AGPAT3: variants seen among roughly 807,000 people sequenced by gnomAD.
The protein encoded by AGPAT3 is 1-acylglycerol-3-phosphate O-acyltransferase 3, also known as 1-acyl-sn-glycerol-3-phosphate acyltransferase gamma.
Under a neutral mutation model 47.3 loss-of-function variants are expected in AGPAT3, and 5 were observed. That is an observed-to-expected ratio of 0.11 (90% CI 0.06 to 0.22). The LOEUF (loss-of-function observed/expected upper bound fraction) is 0.22. Among genes scored for constraint, AGPAT3 ranks in the 10% least tolerant of loss-of-function variants. The pLI is 1.00. For missense variants in AGPAT3, 315 were observed against 493.0 expected, an observed-to-expected ratio of 0.64 and a Z score of 3.42; for synonymous variants, 212 against 208.3, an observed-to-expected ratio of 1.02 and a Z score of -0.15.
chr21:43,979,906 C>G (rs2146927888), intron 8 of AGPAT3, among the ~76,000 whole-genome samples: 1 of 152,270 alleles, frequency 6.6e-6, no homozygotes, highest in East Asian at 1.9e-4. Flanking sequence ...AGCTGAGAAC[C>G]ATGAAGAGAT....
At chr21:43,958,170 C>G (rs1469623263) in intron 2 of AGPAT3, among the ~76,000 whole-genome samples, 4 of 152,184 alleles carry the variant, frequency 2.6e-5, no homozygotes, top group Non-Finnish European at 1.5e-5. Flanking sequence ...AAGTTAATCA[C>G]TATCAATATT....
At chr21:43,959,257 GGT>G (rs1223317253) in intron 2 of AGPAT3, among the ~76,000 whole-genome samples, 8 of 139,092 alleles carry the variant, frequency 5.8e-5, no homozygotes, top group Admixed American at 2.9e-4. Flanking sequence ...TGTGGTTTGC[GGT>G]GTGTGTGGCA....
At chr21:43,953,151 T>G (rs1450244968) in intron 2 of AGPAT3, among the ~76,000 whole-genome samples, 2 of 152,172 alleles carry the variant, frequency 1.3e-5, no homozygotes, top group African/African-American at 4.8e-5. Context: ...AGAGCTGCCT[T>G]AGCCGCTTCA....
chr21:43,951,746 A>C (rs1279595249), intron 2 of AGPAT3, among the ~76,000 whole-genome samples: 1 of 152,224 alleles, frequency 6.6e-6, no homozygotes, highest in Non-Finnish European at 1.5e-5. Flanking sequence ...TTTACCCCTC[A>C]TAGAAACGAA....
intron 1 of AGPAT3, among the ~76,000 whole-genome samples, chr21:43,893,720 G>A (rs1275029950): frequency 2.0e-5 from 3 of 152,204 alleles, no homozygotes; most frequent in African/African-American, 7.2e-5. Context: ...TAGGGAGGCT[G>A]GAACAGAGGG....
chr21:43,923,628 T>C (rs1336543223), intron 2 of AGPAT3, among the ~76,000 whole-genome samples: 3 of 152,160 alleles, frequency 2.0e-5, no homozygotes, highest in Admixed American at 6.5e-5. Flanking sequence ...GCCCTCGAGT[T>C]TGAACATTTG....
In AGPAT3 at chr21:43,944,839, A is replaced by G. The variant is rs939429766; in HGVS notation, c.-48-14795A>G. 2.6e-5 allele frequency among the ~76,000 whole-genome samples: 4 copies of G among 152,362 alleles called. No individual in the cohort carries two copies. The East Asian group carries it at 7.7e-4, about 29-fold the overall frequency. ...AGATGTGCAGTGTCAGCGCTTTTCC[A>G]TGAATCACCTCTTACCTCTAGAACA... On this transcript the variant is annotated intron_variant, in intron 2 of 9. Coordinates refer to ENST00000291572, the MANE Select transcript of AGPAT3 (RefSeq NM_020132.5).
intron 2 of AGPAT3, chr21:43,925,534 CA>C (rs2087026175): frequency 6.6e-6 from 1 of 152,644 alleles, no homozygotes. Flanking sequence ...TGTGGGTAGA[CA>C]AAAGGGGGAG....
intron 3 of AGPAT3, among the ~76,000 whole-genome samples, chr21:43,960,332 G>A (rs12626709): frequency 0.27 from 41,452 of 152,140 alleles, 5,692 homozygotes; most frequent in Admixed American, 0.33. Flanking sequence ...GCCTCTGTGC[G>A]TATGTGTATT....
chr21:43,888,809 T>C (rs1230254326), intron 1 of AGPAT3, among the ~76,000 whole-genome samples: 1 of 152,140 alleles, frequency 6.6e-6, no homozygotes, highest in African/African-American at 2.4e-5. Context: ...GCCAACATGG[T>C]GAAACCCCAT....
intron 2 of AGPAT3, chr21:43,948,320 A>AACGAC (rs1281681599): frequency 1.3e-5 from 2 of 152,264 alleles, no homozygotes; most frequent in African/African-American, 4.8e-5. Flanking sequence ...GGGAGGGAAG[A>AACGAC]ACGACAAAGG....
At chr21:43,905,864 G>A (rs2086481035) in intron 2 of AGPAT3, among the ~76,000 whole-genome samples, 1 of 152,210 alleles carries the variant, frequency 6.6e-6, no homozygotes, top group South Asian at 2.1e-4. Flanking sequence ...GCTGTGGGAA[G>A]GCCACCAGCA....
At chr21:43,872,796 T>C (rs1288474178) in intron 1 of AGPAT3, among the ~76,000 whole-genome samples, 1 of 152,250 alleles carries the variant, frequency 6.6e-6, no homozygotes, top group Non-Finnish European at 1.5e-5. Context: ...TCTACCATGC[T>C]GCCTTCCGGT....
At chr21:43,921,242 A>T (rs2086884983) in intron 2 of AGPAT3, among the ~76,000 whole-genome samples, 2 of 152,172 alleles carry the variant, frequency 1.3e-5, no homozygotes, top group Non-Finnish European at 2.9e-5. Flanking sequence ...GAAGCACTGG[A>T]CACTCCTGTG....
At chr21:43,950,315 C>T (rs2088130224) in intron 2 of AGPAT3, among the ~76,000 whole-genome samples, 1 of 152,220 alleles carries the variant, frequency 6.6e-6, no homozygotes, top group African/African-American at 2.4e-5. Context: ...GTTTCACCTC[C>T]TCCTGCCAGA....
chr21:43,890,504 G>A (rs560910141), intron 1 of AGPAT3, among the ~76,000 whole-genome samples: 9 of 149,836 alleles, frequency 6.0e-5, no homozygotes, highest in Non-Finnish European at 1.2e-4. Context: ...TCTTGACCTC[G>A]TGGGCTCAAG....
At chr21:43,890,538 A>G (rs1019466967) in intron 1 of AGPAT3, among the ~76,000 whole-genome samples, 3 of 151,148 alleles carry the variant, frequency 2.0e-5, no homozygotes, top group Non-Finnish European at 2.9e-5. Context: ...TCAGCCTCCC[A>G]AGTAGCTGGG....
chr21:43,889,743 CTA>C (rs1491499814), intron 1 of AGPAT3, among the ~76,000 whole-genome samples: 1 of 152,038 alleles, frequency 6.6e-6, no homozygotes, highest in Non-Finnish European at 1.5e-5. Context: ...AGCATTGTGT[CTA>C]AAAAAAACAG....
At position 43,926,867 on chromosome 21, in the gene AGPAT3, A is replaced by AGGAGAATTGCTTGAACCC. The variant is rs1181692850; in HGVS notation, c.-49+22867_-49+22884dup. 4.0e-5 allele frequency among the ~76,000 whole-genome samples: 6 copies of AGGAGAATTGCTTGAACCC among 150,466 alleles called. No homozygotes were observed. The South Asian group carries it at 1.3e-3, about 32-fold the overall frequency. ...TCCCAGCTACTTGGGAGGCTGAGGC[A>AGGAGAATTGCTTGAACCC]GGAGAATTGCTTGAACCCGGAGAAT... On this transcript the variant is annotated intron_variant, in intron 2 of 9. Coordinates refer to ENST00000291572, the MANE Select transcript of AGPAT3 (RefSeq NM_020132.5).
Sources: allele counts gnomAD v4.1 joint callset (sites outside exome capture counted in the v4.1 genomes callset), GRCh38; gene constraint gnomAD v4.1.1; transcripts MANE v1.5; gene names NCBI Gene and HGNC (gene_info 2026-07-23, HGNC 2026-07-21).